TMEM38A: variants seen among roughly 807,000 people sequenced by gnomAD.
TMEM38A encodes transmembrane protein 38A, also known as trimeric intracellular cation channel type A.
In TMEM38A, 17 loss-of-function variants were observed where a neutral mutation model predicts 28.6. The ratio of observed to expected loss-of-function variants is 0.60; its 90% CI spans 0.41 to 0.89. The LOEUF is 0.89. TMEM38A is among the 40% of genes least tolerant of loss of function. The pLI is 0.00. For missense variants in TMEM38A, 328 were observed against 393.1 expected (o/e 0.83, Z 1.40); for synonymous variants, 169 against 166.1 (o/e 1.02, Z -0.14).
Position 16,688,488 on chromosome 19 carries a change from G to A in TMEM38A, c.*117G>A. On this transcript the variant is annotated 3_prime_UTR_variant, in exon 6 of 6. Coordinates refer to ENST00000187762, the MANE Select transcript of TMEM38A (RefSeq NM_024074.4). ...CTTGACTTCCCCATCTGCAAATCAGGGTCATTGGCTCACCCTCCAGGGCTG... is the reference window on the plus strand; with the variant it reads ...CTTGACTTCCCCATCTGCAAATCAGAGTCATTGGCTCACCCTCCAGGGCTG... 1 of 819,146 alleles carries A rather than the reference G, an allele frequency of 1.2e-6. No individual in the cohort carries two copies. The highest frequency in any genetic ancestry group is 1.7e-6 in the Non-Finnish European group (1 of 576,338). 50.7% of individuals were successfully genotyped at this position (819,146 alleles called of 1,614,324 possible).
chr19:16,662,436 C>CTTTTTTTTTTTTTTTTTTTTTTTTT (rs35226829), intron 1 of TMEM38A, among the ~76,000 whole-genome samples: 13 of 75,864 alleles, frequency 1.7e-4, no homozygotes, highest in African/African-American at 4.4e-4. Flanking sequence ...TAAATGCACG[C>CTTTTTTTTTTTTTTTTTTTTTTTTT]TTTTTTTTTT....
intron 1 of TMEM38A, among the ~76,000 whole-genome samples, chr19:16,663,491 A>G (rs747096269): frequency 6.6e-6 from 1 of 151,658 alleles, no homozygotes; most frequent in Non-Finnish European, 1.5e-5. Context: ...AACCCTGGCT[A>G]TTCATGAATT....
intron 1 of TMEM38A, among the ~76,000 whole-genome samples, chr19:16,665,271 G>T (rs537639447): frequency 6.6e-6 from 1 of 152,138 alleles, no homozygotes; most frequent in Non-Finnish European, 1.5e-5. Context: ...TCCAGCCTGG[G>T]CAACAAGAAT....
At position 16,686,418 on chromosome 19, in the gene TMEM38A, CTTCTTGCAGCA is replaced by C. The variant is rs778535764; in HGVS notation, c.672+21_672+31del. ...GGTGTCCTGTAAGGTAAGCCTTTCT[CTTCTTGCAGCA>C]TTCTTGCCTTGACCAATGCCACCCT... On this transcript the variant is annotated intron_variant, in intron 5 of 5. Coordinates refer to ENST00000187762, the MANE Select transcript of TMEM38A (RefSeq NM_024074.4). 111 of 1,606,354 alleles carry C rather than the reference CTTCTTGCAGCA, an allele frequency of 6.9e-5. No individual in the cohort carries two copies. Among genetic ancestry groups the C allele is most frequent in the Middle Eastern group, 1.6e-4 (1 of 6,068 alleles).
chr19:16,684,964 A>G (rs997912645), intron 4 of TMEM38A, among the ~76,000 whole-genome samples: 4 of 151,576 alleles, frequency 2.6e-5, no homozygotes, highest in Admixed American at 1.3e-4. Flanking sequence ...TGGGAGAATC[A>G]CTTGAGCCTC....
intron 1 of TMEM38A, among the ~76,000 whole-genome samples, chr19:16,671,052 C>T (rs1251093017): frequency 1.3e-5 from 2 of 152,056 alleles, no homozygotes; most frequent in African/African-American, 4.8e-5. Flanking sequence ...CAAACTGAGG[C>T]CCAGGGAAGG....
At chr19:16,670,410 G>C (rs2086722223) in intron 1 of TMEM38A, among the ~76,000 whole-genome samples, 1 of 151,998 alleles carries the variant, frequency 6.6e-6, no homozygotes, top group South Asian at 2.1e-4. Context: ...GAGTAGCTGG[G>C]ATTACAGGCA....
chr19:16,661,395 G>T lies in TMEM38A; in HGVS notation c.124+54G>T. 6.9e-7 allele frequency: 1 copy of T among 1,454,882 alleles called. No homozygotes were observed. The highest frequency in any genetic ancestry group is 9.2e-7 in the Non-Finnish European group (1 of 1,085,688). 90.1% of individuals were successfully genotyped at this position (1,454,882 alleles called of 1,614,324 possible). A position where few individuals can be genotyped will look rare whatever the true frequency, so the allele number is the denominator to read the frequency against. On this transcript the variant is annotated intron_variant, in intron 1 of 5. Coordinates refer to ENST00000187762, the MANE Select transcript of TMEM38A (RefSeq NM_024074.4). The surrounding 1 kb of genome is among the most constrained non-coding windows in gnomAD (Gnocchi z 6.5). ...CCGGCAGCGGGTGGCGCGGGCCGGG[G>T]CAGCTCGGGGGTCGCAGAGAGGGGA...
chr19:16,668,879 A>G (rs1276019989), intron 1 of TMEM38A, among the ~76,000 whole-genome samples: 2 of 141,588 alleles, frequency 1.4e-5, no homozygotes, highest in African/African-American at 5.4e-5. Context: ...CCCAGGCTGG[A>G]GTGCAATGGT....
intron 1 of TMEM38A, among the ~76,000 whole-genome samples, chr19:16,679,450 C>T (rs945689961): frequency 1.3e-5 from 2 of 152,134 alleles, no homozygotes; most frequent in South Asian, 2.1e-4. Flanking sequence ...CATGCACTAC[C>T]GTTCCCGGCT....
At position 16,668,156 on chromosome 19, in the gene TMEM38A, C is replaced by A. The variant is rs570401443; in HGVS notation, c.124+6815C>A. Among the ~76,000 whole-genome samples the A allele has an allele frequency of 1.3e-4, 20 of 151,724 alleles. No homozygotes were observed. In the South Asian group the frequency reaches 3.6e-3, roughly 27 times the overall value. On this transcript the variant is annotated intron_variant, in intron 1 of 5. Transcript: ENST00000187762. ...CCTGCGAGGCGGAGGTTGCAGTGAG[C>A]AGAGATCATGCCATTGCACTCCAAC...
chr19:16,675,771 ACTC>A (rs2086748176), intron 1 of TMEM38A, among the ~76,000 whole-genome samples: 1 of 145,950 alleles, frequency 6.9e-6, no homozygotes, highest in Admixed American at 6.9e-5. Flanking sequence ...CTGGTCTCGA[ACTC>A]CTGACCTTGT....
intron 1 of TMEM38A, among the ~76,000 whole-genome samples, 168 bp from the exon 2 acceptor site, chr19:16,679,816 C>T (rs977462678): frequency 1.2e-4 from 18 of 152,208 alleles, no homozygotes; most frequent in African/African-American, 4.3e-4. Context: ...TCTGTGCAAC[C>T]TCAGGCATGC....
chr19:16,669,317 C>G (rs1265241290), intron 1 of TMEM38A, among the ~76,000 whole-genome samples: 1 of 151,770 alleles, frequency 6.6e-6, no homozygotes, highest in African/African-American at 2.4e-5. Context: ...AGCAATTCTC[C>G]TGCCTCAGCC....
rs569136922 is a variant in TMEM38A at position 16,661,671 on chromosome 19, G to A, written c.124+330G>A. 4.6e-5 allele frequency among the ~76,000 whole-genome samples: 7 copies of A among 152,204 alleles called. No homozygotes were observed. In the East Asian group the frequency reaches 7.7e-4, roughly 17 times the overall value. ...GGGCAAGGGGCGCCGGCTGTGGCGA[G>A]GGTGCAGGTGGGGGTCGGTGCATCT... On this transcript the variant is annotated intron_variant, in intron 1 of 5. Coordinates refer to ENST00000187762, the MANE Select transcript of TMEM38A (RefSeq NM_024074.4). This position sits in a 1 kb window ranked among gnomAD's most constrained non-coding sequence, Gnocchi z 6.5.
chr19:16,677,953 G>A lies in TMEM38A; in HGVS notation c.125-2031G>A, dbSNP rs531462969. Reference sequence around the variant, plus strand: ...AAAACAACAAAGTTTGTATGGTTTCGCTTACATGAGATTCCTAAAGTCATC... The same window carrying A: ...AAAACAACAAAGTTTGTATGGTTTCACTTACATGAGATTCCTAAAGTCATC... On this transcript the variant is annotated intron_variant, in intron 1 of 5. Transcript: ENST00000187762. 2.4e-4 allele frequency among the ~76,000 whole-genome samples: 36 copies of A among 152,232 alleles called. No individual in the cohort carries two copies. The East Asian group carries it at 2.7e-3, about 11-fold the overall frequency.
chr19:16,686,447 G>A (rs964164091), intron 5 of TMEM38A, 42 bp downstream of exon 5: 3 of 1,489,548 alleles, frequency 2.0e-6, no homozygotes, highest in Admixed American at 1.7e-5. Flanking sequence ...CTTGACCAAT[G>A]CCACCCTGCC....
At chr19:16,677,550 T>A (rs1949924031) in intron 1 of TMEM38A, among the ~76,000 whole-genome samples, 2 of 151,654 alleles carry the variant, frequency 1.3e-5, no homozygotes, top group Non-Finnish European at 2.9e-5. Context: ...TTGCCCAGGC[T>A]GGCCTCCCCT....
chr19:16,682,821 C>T (rs1303068485), intron 4 of TMEM38A, among the ~76,000 whole-genome samples: 1 of 152,180 alleles, frequency 6.6e-6, no homozygotes, highest in Non-Finnish European at 1.5e-5. Context: ...CACAGAAGAG[C>T]AGCAGTGCTG....
Sources: gnomAD v4.1 joint callset for allele counts (sites outside exome capture counted in the v4.1 genomes callset) on GRCh38, gnomAD v4.1.1 for gene constraint, Gnocchi (gnomAD v3.1) non-coding constraint, MANE v1.5 for transcripts, NCBI Gene and HGNC (gene_info 2026-07-23, HGNC 2026-07-21) for gene names.